The following SYT16 variants were observed in gnomAD, a reference collection of about 807,000 sequenced individuals.
SYT16 encodes the protein synaptotagmin 16.
SYT16 carries 42 observed loss-of-function variants against 61.4 expected under a neutral mutation model. The ratio of observed to expected loss-of-function variants is 0.68; its 90% CI spans 0.53 to 0.89. The LOEUF (loss-of-function observed/expected upper bound fraction) is 0.89. Among genes scored for constraint, SYT16 ranks in the 40% least tolerant of loss-of-function variants. The probability of loss-of-function intolerance (pLI) is 0.00; values close to 1 mark genes in which losing one functional copy is unlikely to be tolerated. For synonymous variants in SYT16, 314 were observed against 302.3 expected, an observed-to-expected ratio of 1.04 and a Z score of -0.40; for missense variants, 804 against 807.3, an observed-to-expected ratio of 1.00 and a Z score of 0.05.
At chr14:62,017,685 A>G (rs1486964631) in intron 3 of SYT16, among the ~76,000 whole-genome samples, 2 of 150,730 alleles carry the variant, frequency 1.3e-5, no homozygotes, top group Non-Finnish European at 2.9e-5. Flanking sequence ...CATCACTGCT[A>G]TCGTGGTGCT....
chr14:61,875,763 A>G (rs1283507373), intron 1 of SYT16, among the ~76,000 whole-genome samples: 1 of 152,132 alleles, frequency 6.6e-6, no homozygotes, highest in Non-Finnish European at 1.5e-5. Context: ...CCTGCACCAG[A>G]CCTGCATTGT....
chr14:61,823,507 T>C (rs532937554), intron 1 of SYT16, among the ~76,000 whole-genome samples: 1 of 149,880 alleles, frequency 6.7e-6, no homozygotes, highest in South Asian at 2.1e-4. Flanking sequence ...GGTGGGCAGA[T>C]TGTTTGAAGC....
chr14:62,062,607 A>C (rs1191588584), intron 3 of SYT16, among the ~76,000 whole-genome samples: 1 of 152,194 alleles, frequency 6.6e-6, no homozygotes, highest in Non-Finnish European at 1.5e-5. Context: ...GGGAATGGCC[A>C]GATTGTGCTT....
At chr14:62,018,792 C>T (rs1490980993) in intron 3 of SYT16, among the ~76,000 whole-genome samples, 1 of 152,168 alleles carries the variant, frequency 6.6e-6, no homozygotes, top group Non-Finnish European at 1.5e-5. Context: ...CCTCCACTCT[C>T]CACCTGTCCC....
chr14:61,933,132 T>C (rs1207995378), intron 1 of SYT16, among the ~76,000 whole-genome samples: 3 of 152,200 alleles, frequency 2.0e-5, no homozygotes, highest in South Asian at 4.1e-4. Context: ...TTATATTCTT[T>C]TGTCGGTTTA....
chr14:61,963,994 C>G (rs1038844945), intron 1 of SYT16, among the ~76,000 whole-genome samples: 1 of 152,258 alleles, frequency 6.6e-6, no homozygotes, highest in Non-Finnish European at 1.5e-5. Context: ...GCTGTTGAGA[C>G]TTACTGCTCA....
intron 1 of SYT16, among the ~76,000 whole-genome samples, chr14:61,949,929 G>A (rs2050603532): frequency 6.6e-6 from 1 of 152,198 alleles, no homozygotes. Context: ...CACGGTGCCT[G>A]CAAAGCACAA....
chr14:62,100,321 C>G (rs1311661282), intron 7 of SYT16, 73 bp from the exon 8 acceptor site: 6 of 1,312,168 alleles, frequency 4.6e-6, no homozygotes, highest in Non-Finnish European at 6.2e-6. Context: ...ATAAATGTTA[C>G]AGCTAGTCTA....
intron 1 of SYT16, among the ~76,000 whole-genome samples, chr14:61,896,811 T>C (rs1594857379): frequency 6.6e-6 from 1 of 152,250 alleles, no homozygotes; most frequent in African/African-American, 2.4e-5. Context: ...TTGCATTATT[T>C]ATAAAGAAAT....
At chr14:62,056,478 A>G (rs2055560932) in intron 3 of SYT16, among the ~76,000 whole-genome samples, 1 of 152,198 alleles carries the variant, frequency 6.6e-6, no homozygotes, top group African/African-American at 2.4e-5. Context: ...AAAGGGGATA[A>G]AGTCTGGTGC....
chr14:62,092,023 C>T (rs2141002840), intron 7 of SYT16, among the ~76,000 whole-genome samples: 1 of 152,044 alleles, frequency 6.6e-6, no homozygotes, highest in African/African-American at 2.4e-5. Flanking sequence ...GAGTTTAAAA[C>T]TGGATTAAAG....
chr14:62,072,384 G>C (rs1429145293), intron 4 of SYT16, among the ~76,000 whole-genome samples: 3 of 150,278 alleles, frequency 2.0e-5, no homozygotes, highest in Non-Finnish European at 4.5e-5. Flanking sequence ...CACATGCAGG[G>C]GTGTGTGTGT....
chr14:61,918,071 T>G (rs1450798135), intron 1 of SYT16, among the ~76,000 whole-genome samples: 10 of 152,158 alleles, frequency 6.6e-5, no homozygotes, highest in Admixed American at 2.0e-4. Context: ...CACTTCAGAT[T>G]TTTGAATTAG....
intron 2 of SYT16, among the ~76,000 whole-genome samples, chr14:61,975,622 C>T (rs1262995606): frequency 6.6e-6 from 1 of 152,130 alleles, no homozygotes. Context: ...ATCATTAGAA[C>T]AGCATGAGAG....
intron 1 of SYT16, among the ~76,000 whole-genome samples, chr14:61,816,806 TGAA>T (rs2045444606): frequency 6.7e-6 from 1 of 150,280 alleles, no homozygotes; most frequent in South Asian, 2.1e-4. Flanking sequence ...GGTCAGGAGA[TGAA>T]GACCATCCTG....
intron 7 of SYT16, among the ~76,000 whole-genome samples, chr14:62,093,479 C>A (rs1209329416): frequency 1.3e-5 from 2 of 152,032 alleles, no homozygotes; most frequent in Non-Finnish European, 2.9e-5. Context: ...GCCTGCCCCT[C>A]TTCCTCACAC....
At chr14:62,074,065 G>A (rs2056394095) in intron 4 of SYT16, among the ~76,000 whole-genome samples, 1 of 152,184 alleles carries the variant, frequency 6.6e-6, no homozygotes, top group African/African-American at 2.4e-5. Flanking sequence ...CTGGGATGGG[G>A]TCTGCTGGAG....
intron 5 of SYT16, among the ~76,000 whole-genome samples, chr14:62,078,377 G>C (rs778084760): frequency 2.0e-5 from 3 of 152,068 alleles, no homozygotes; most frequent in Non-Finnish European, 2.9e-5. Flanking sequence ...CTGGGCTTGG[G>C]GGGAGAGAGC....
chr14:61,878,623 C>T (rs2140314971), intron 1 of SYT16, among the ~76,000 whole-genome samples: 1 of 152,306 alleles, frequency 6.6e-6, no homozygotes, highest in South Asian at 2.1e-4. Context: ...ACATTTCCAC[C>T]ATTCATACCA....
Sources: gnomAD v4.1 joint callset for allele counts (sites outside exome capture counted in the v4.1 genomes callset) on GRCh38, gnomAD v4.1.1 for gene constraint, MANE v1.5 for transcripts, NCBI Gene and HGNC (gene_info 2026-07-23, HGNC 2026-07-21) for gene names.